NBEA: variants seen among roughly 807,000 people sequenced by gnomAD.
NBEA encodes neurobeachin, also known as lysosomal-trafficking regulator 2.
Under a neutral mutation model 343.4 loss-of-function variants are expected in NBEA, and 44 were observed. That is an observed-to-expected ratio of 0.13 (90% CI 0.10 to 0.16). The LOEUF (loss-of-function observed/expected upper bound fraction) is 0.16. NBEA is among the 10% of genes least tolerant of loss of function. The pLI is 1.00. For synonymous variants in NBEA, 1,175 were observed against 1,238.7 expected (o/e 0.95, Z 1.08); for missense variants, 2,555 against 3,631.3 (o/e 0.70, Z 7.62).
chr13:35,250,833 A>T (rs1029051239), intron 34 of NBEA, among the ~76,000 whole-genome samples: 2 of 152,242 alleles, frequency 1.3e-5, no homozygotes, highest in East Asian at 3.8e-4. Flanking sequence ...TTTCACAAAA[A>T]TGATATTTAC....
At position 34,942,678 on chromosome 13, in the gene NBEA, A is replaced by T; in HGVS notation, c.-143A>T. 4.1e-6 allele frequency: 2 copies of T among 488,640 alleles called. No individual in the cohort carries two copies. The highest frequency in any genetic ancestry group is 6.2e-6 in the Non-Finnish European group (2 of 320,402). The allele number at this position is 488,640 out of a possible 1,614,324, so 30.3% of individuals were successfully genotyped here. ...GCCGGAGCGGGCCGGGCTGAGGCGC[A>T]GGCGGGGAGCGGGCCCGGCGCCGCG... is the stretch of plus-strand genomic sequence containing the variant. On this transcript the variant is annotated 5_prime_UTR_variant, in exon 1 of 59. Transcript: ENST00000379939.
At chr13:35,540,161 T>C (rs1487596686) in intron 41 of NBEA, among the ~76,000 whole-genome samples, 2 of 151,892 alleles carry the variant, frequency 1.3e-5, no homozygotes, top group African/African-American at 4.8e-5. Context: ...TTTATAATAT[T>C]TGTAAAATCA....
At chr13:35,634,594 C>T (rs889562382) in intron 49 of NBEA, among the ~76,000 whole-genome samples, 12 of 152,058 alleles carry the variant, frequency 7.9e-5, no homozygotes, top group African/African-American at 2.4e-4. Flanking sequence ...TTCTTTTTAA[C>T]GGTGAGAGGT....
At chr13:35,007,023 C>T (rs1042871112) in intron 1 of NBEA, among the ~76,000 whole-genome samples, 2 of 152,260 alleles carry the variant, frequency 1.3e-5, no homozygotes, top group Non-Finnish European at 2.9e-5. Context: ...ATCTTTTTCT[C>T]GTCACTTTTT....
intron 43 of NBEA, 79 bp downstream of exon 43, chr13:35,551,111 T>G: frequency 1.7e-4 from 135 of 771,762 alleles, no homozygotes; most frequent in Non-Finnish European, 2.4e-4. Context: ...TAAATGTGGT[T>G]ATAACATTAT....
intron 41 of NBEA, among the ~76,000 whole-genome samples, chr13:35,509,256 C>T (rs1418835214): frequency 2.6e-5 from 4 of 152,100 alleles, no homozygotes; most frequent in South Asian, 2.1e-4. Context: ...TTCGATACAC[C>T]GCCACAACAG....
chr13:35,658,520 A>G (rs1235436629), intron 55 of NBEA, among the ~76,000 whole-genome samples: 1 of 152,184 alleles, frequency 6.6e-6, no homozygotes, highest in Non-Finnish European at 1.5e-5. Flanking sequence ...GGAATGCTGC[A>G]AAGTCACAAC....
intron 38 of NBEA, among the ~76,000 whole-genome samples, chr13:35,393,814 G>C (rs2042616265): frequency 6.6e-6 from 1 of 152,026 alleles, no homozygotes; most frequent in African/African-American, 2.4e-5. Context: ...ATTTAGATTT[G>C]TATTTGATTA....
In NBEA at chr13:35,159,892, A is replaced by C; in HGVS notation, c.3721A>C (p.Thr1241Pro). The C allele has an allele frequency of 6.3e-7, 1 of 1,599,914 alleles. No homozygotes were observed. Among genetic ancestry groups the C allele is most frequent in the Non-Finnish European group, 8.5e-7 (1 of 1,172,482 alleles). The change falls in exon 22 of 59, where the codon ACT becomes CCT. Residue 1241 changes from threonine (T) to proline (P), a missense_variant. Around this residue, in one of 21 missense-constraint regions of NBEA, gnomAD observed 367 missense variants for 377.5 expected, o/e 0.97. Coordinates refer to ENST00000379939, the MANE Select transcript of NBEA (RefSeq NM_001385012.1). ...GLEYAEMTAT[T>P]LETESSSSKI... Reference sequence around the variant, plus strand: ...GGAGTATGCTGAAATGACTGCTACAACTCTGGAAACTGAGTCTTCTAGTAG... The same window carrying C: ...GGAGTATGCTGAAATGACTGCTACACCTCTGGAAACTGAGTCTTCTAGTAG...
rs750379651 is a variant in NBEA at position 35,155,783 on chromosome 13, G to C, written c.2455G>C (p.Glu819Gln). ...ATTCTTCATTTTTCAGATCTTGACA[G>C]AACAAGTATGTACTCAGGTCGTACA... ...TYNTLYEILT[E>Q]QVCTQVVHKP... Residue 819 changes from glutamate (E) to glutamine (Q), a missense_variant, in exon 19 of 59, where the codon GAA becomes CAA. By Grantham distance (29) the Glu-to-Gln change is conservative. Coordinates refer to ENST00000379939, the MANE Select transcript of NBEA (RefSeq NM_001385012.1). 2 of 1,607,484 alleles carry C rather than the reference G, an allele frequency of 1.2e-6. No individual in the cohort carries two copies. Among genetic ancestry groups the C allele is most frequent in the Non-Finnish European group, 1.7e-6 (2 of 1,174,302 alleles).
chr13:34,947,492 A>T (rs766929481), intron 1 of NBEA, among the ~76,000 whole-genome samples: 6 of 148,436 alleles, frequency 4.0e-5, no homozygotes, highest in Non-Finnish European at 7.5e-5. Flanking sequence ...AGTCACCTGC[A>T]TTTTTTTTTT....
At chr13:35,476,628 A>G (rs1412002865) in intron 41 of NBEA, 3 of 503,634 alleles carry the variant, frequency 6.0e-6, no homozygotes, top group Admixed American at 3.4e-5. Context: ...AAGTGTGCTG[A>G]GTGTGTGTCC....
chr13:35,654,425 C>T (rs563864985), intron 53 of NBEA, among the ~76,000 whole-genome samples: 1 of 152,282 alleles, frequency 6.6e-6, no homozygotes, highest in South Asian at 2.1e-4. Context: ...ATTATAAATA[C>T]CATCTGAAAA....
At chr13:35,296,837 C>T (rs368906216) in intron 35 of NBEA, among the ~76,000 whole-genome samples, 30 of 151,958 alleles carry the variant, frequency 2.0e-4, no homozygotes, top group African/African-American at 6.8e-4. Context: ...TTTCAATATG[C>T]TTTATTTTTA....
chr13:35,154,741 G>C (rs1446327489), intron 18 of NBEA, among the ~76,000 whole-genome samples: 3 of 151,936 alleles, frequency 2.0e-5, no homozygotes, highest in African/African-American at 7.3e-5. Flanking sequence ...TTGGTCAACT[G>C]TTTTTTTGTA....
chr13:35,224,736 A>T (rs2074557758), intron 33 of NBEA, among the ~76,000 whole-genome samples: 1 of 152,088 alleles, frequency 6.6e-6, no homozygotes, highest in Non-Finnish European at 1.5e-5. Context: ...CATAGGGTTC[A>T]TCTGTGATTT....
intron 34 of NBEA, among the ~76,000 whole-genome samples, chr13:35,252,154 G>A (rs2032051908): frequency 6.6e-6 from 1 of 152,102 alleles, no homozygotes; most frequent in South Asian, 2.1e-4. Context: ...GGCTGGGGAG[G>A]CCTCAGGAAA....
intron 1 of NBEA, among the ~76,000 whole-genome samples, chr13:34,963,806 TCC>T (rs1379886902): frequency 1.3e-4 from 19 of 151,992 alleles, no homozygotes; most frequent in African/African-American, 4.6e-4. Flanking sequence ...TAGTTTTGAC[TCC>T]AGCTAATTAA....
rs1161060850 is a variant in NBEA at position 35,625,423 on chromosome 13, C to T, written c.7450-2658C>T. ...CGTGAGCTCAGGAGTTTGAGACCAG[C>T]CTGGGCAACATGGCGAAACCCTGTC... On this transcript the variant is annotated intron_variant, in intron 48 of 58. Coordinates refer to ENST00000379939, the MANE Select transcript of NBEA (RefSeq NM_001385012.1). Among the ~76,000 whole-genome samples the T allele has an allele frequency of 5.3e-5, 8 of 152,004 alleles. 1 individual carries two copies. The highest frequency in any genetic ancestry group is 5.2e-4 in the Admixed American group (8 of 15,258).
Sources: allele counts gnomAD v4.1 joint callset (sites outside exome capture counted in the v4.1 genomes callset), GRCh38; gene constraint gnomAD v4.1.1; regional missense constraint gnomAD v4.1.1; transcripts MANE v1.5; gene names NCBI Gene and HGNC (gene_info 2026-07-23, HGNC 2026-07-21).